LY75: variants seen among roughly 807,000 people sequenced by gnomAD.
The protein encoded by LY75 is C-type lectin domain family 13 member B.
In LY75, 185 loss-of-function variants were observed where a neutral mutation model predicts 231.7. The ratio of observed to expected loss-of-function variants is 0.80; its 90% CI spans 0.71 to 0.90. The LOEUF is 0.90. LY75 is among the 40% of genes least tolerant of loss of function. The pLI is 0.00. For synonymous variants in LY75, 668 were observed against 689.0 expected, an observed-to-expected ratio of 0.97 and a Z score of 0.48; for missense variants, 1,947 against 2,050.2, an observed-to-expected ratio of 0.95 and a Z score of 0.97.
intron 25 of LY75, 68 bp from the exon 26 acceptor site, chr2:159,835,713 C>T: frequency 1.9e-6 from 3 of 1,557,822 alleles, no homozygotes; most frequent in Non-Finnish European, 2.6e-6. Context: ...TTTTGACTCC[C>T]ATGGTCAATC....
At chr2:159,895,335 A>G (rs897910100) in intron 2 of LY75, among the ~76,000 whole-genome samples, 4 of 152,174 alleles carry the variant, frequency 2.6e-5, no homozygotes, top group African/African-American at 9.7e-5. Context: ...CTTATATTTT[A>G]TAAGGATTCT....
chr2:159,842,123 C>T, intron 24 of LY75, 122 bp downstream of exon 24: 1 of 1,233,778 alleles, frequency 8.1e-7, no homozygotes, highest in Non-Finnish European at 1.1e-6. Flanking sequence ...AAGCATACTA[C>T]CCAATAGGTA....
intron 27 of LY75, among the ~76,000 whole-genome samples, chr2:159,832,247 C>A (rs1343900485): frequency 2.6e-5 from 4 of 152,168 alleles, no homozygotes; most frequent in Admixed American, 2.6e-4. Context: ...AGGAACCGGG[C>A]CATACAGCAG....
rs1296307795 is a variant in LY75, at chr2:159,850,030, T to G, written c.3100A>C (p.Ser1034Arg). The G allele has an allele frequency of 6.2e-7, 1 of 1,614,030 alleles. No individual in the cohort carries two copies. Among genetic ancestry groups the G allele is most frequent in the Non-Finnish European group, 8.5e-7 (1 of 1,179,932 alleles). The part of the protein sequence containing the change: ...KWTDNRELTY[S>R]NFHPLLVSGR... ...CTAACCAATAATGGGTGAAAGTTAC[T>G]GTACGTCAGCTCTCTGTTATCTGTC... is the stretch of plus-strand genomic sequence containing the variant. Residue 1034 changes from serine (S) to arginine (R), a missense_variant, in exon 23 of 35, where the codon AGT (serine) becomes CGT (arginine). Transcript: ENST00000263636.
intron 23 of LY75, among the ~76,000 whole-genome samples, chr2:159,845,688 TG>T (rs1684179769): frequency 6.6e-6 from 1 of 150,884 alleles, no homozygotes; most frequent in African/African-American, 2.5e-5. Context: ...TACAGGAGGA[TG>T]TAGGTTAAAA....
chr2:159,884,274 T>C (rs991989160), intron 6 of LY75, among the ~76,000 whole-genome samples: 7 of 152,190 alleles, frequency 4.6e-5, no homozygotes, highest in South Asian at 2.1e-4. Flanking sequence ...TCTTTATCAG[T>C]AGCATGAAAA....
At position 159,882,368 on chromosome 2, in the gene LY75, C is replaced by A. The variant is rs1685462923; in HGVS notation, c.1055-53G>T. On this transcript the variant is annotated intron_variant, in intron 6 of 34. Transcript: ENST00000263636. ...CAGTAAAGATACATCTATTGTGAAT[C>A]AATAACATTGCAAATTCTTTTTTCT... The A allele has an allele frequency of 1.9e-6, 3 of 1,557,250 alleles. No individual in the cohort carries two copies. The East Asian group carries it at 6.8e-5, about 35-fold the overall frequency.
At chr2:159,807,822 A>C (rs1682832962) in intron 33 of LY75, 1 of 969,382 alleles carries the variant, frequency 1.0e-6, no homozygotes, top group Non-Finnish European at 1.2e-6. Context: ...TACCAATTCC[A>C]AGTTCACCTA....
chr2:159,817,963 C>T (rs193198240), intron 29 of LY75, among the ~76,000 whole-genome samples: 11 of 152,130 alleles, frequency 7.2e-5, no homozygotes, highest in African/African-American at 1.9e-4. Flanking sequence ...GCAGGAGAAT[C>T]GCTGGAACCC....
intron 13 of LY75, among the ~76,000 whole-genome samples, chr2:159,870,309 GGT>G (rs1360995219): frequency 6.6e-6 from 1 of 152,012 alleles, no homozygotes; most frequent in Non-Finnish European, 1.5e-5. Flanking sequence ...ACATTAGCTG[GGT>G]GTGGTGGCAT....
At chr2:159,881,344 T>TCTG in intron 7 of LY75, 104 bp from the exon 8 acceptor site, 1 of 1,195,684 alleles carries the variant, frequency 8.4e-7, no homozygotes, top group Non-Finnish European at 1.1e-6. Flanking sequence ...TTTAAGAGCC[T>TCTG]TTGTAGTATT....
At chr2:159,806,893 A>C (rs1682810513) in intron 34 of LY75, 80 bp downstream of exon 34, 2 of 1,483,280 alleles carry the variant, frequency 1.3e-6, no homozygotes, top group Non-Finnish European at 1.8e-6. Context: ...CTAAATACAG[A>C]ATTTTGTACA....
chr2:159,883,577 T>C (rs1162365174), intron 6 of LY75, among the ~76,000 whole-genome samples: 1 of 152,238 alleles, frequency 6.6e-6, no homozygotes, highest in Non-Finnish European at 1.5e-5. Context: ...TTCTTTGTAT[T>C]TTCCTGCTGG....
intron 21 of LY75, 93 bp downstream of exon 21, chr2:159,852,108 G>T: frequency 6.6e-7 from 1 of 1,507,564 alleles, no homozygotes; most frequent in Non-Finnish European, 8.9e-7. Flanking sequence ...CTATTTCAGT[G>T]ATGTTGTCAC....
intron 13 of LY75, among the ~76,000 whole-genome samples, chr2:159,869,925 A>T (rs1276934092): frequency 6.6e-6 from 1 of 152,224 alleles, no homozygotes. Context: ...CCTCACAAAG[A>T]ACCCAAGAGT....
At chr2:159,844,910 A>G (rs13386590) in intron 23 of LY75, among the ~76,000 whole-genome samples, 7,149 of 151,696 alleles carry the variant, frequency 0.047, 513 homozygotes, top group African/African-American at 0.16. Flanking sequence ...TAGTTTTTCA[A>G]CCCAGGTCCC....
intron 16 of LY75, among the ~76,000 whole-genome samples, chr2:159,856,064 T>C (rs1269876343): frequency 2.0e-5 from 3 of 152,212 alleles, no homozygotes; most frequent in African/African-American, 4.8e-5. Flanking sequence ...CAAAGACTTC[T>C]GATTATTTGT....
intron 34 of LY75, 126 bp downstream of exon 34, chr2:159,806,847 T>C: frequency 3.5e-6 from 4 of 1,151,866 alleles, no homozygotes; most frequent in Non-Finnish European, 4.7e-6. Flanking sequence ...TTAATCAAGA[T>C]AGTTGGATAT....
intron 16 of LY75, among the ~76,000 whole-genome samples, chr2:159,856,832 C>T (rs1315562313): frequency 6.6e-6 from 1 of 152,024 alleles, no homozygotes; most frequent in Non-Finnish European, 1.5e-5. Context: ...GCCCTTCATA[C>T]TATTTCCTCT....
Sources: allele counts gnomAD v4.1 joint callset (sites outside exome capture counted in the v4.1 genomes callset), GRCh38; gene constraint gnomAD v4.1.1; transcripts MANE v1.5; gene names NCBI Gene and HGNC (gene_info 2026-07-23, HGNC 2026-07-21).